CCDC102B: variants seen among roughly 807,000 people sequenced by gnomAD.
CCDC102B encodes the protein coiled-coil domain containing 102B, also known as coiled-coil domain-containing protein 102B.
A neutral mutation model predicts 57.4 loss-of-function variants in CCDC102B; 75 were observed. The ratio of observed to expected loss-of-function variants is 1.31; its 90% CI spans 1.08 to 1.58. The LOEUF (loss-of-function observed/expected upper bound fraction) is 1.58. CCDC102B is among the 40% of genes most tolerant of loss of function. The probability of loss-of-function intolerance (pLI) is 0.00; values close to 1 mark genes in which losing one functional copy is unlikely to be tolerated. For synonymous variants in CCDC102B, 206 were observed against 201.9 expected (o/e 1.02, Z -0.17); for missense variants, 636 against 582.6 (o/e 1.09, Z -0.94).
At chr18:68,963,803 A>ATGTG (rs1555734663) in intron 6 of CCDC102B, among the ~76,000 whole-genome samples, 1 of 151,600 alleles carries the variant, frequency 6.6e-6, no homozygotes, top group African/African-American at 2.4e-5. Flanking sequence ...ATATGTGTAT[A>ATGTG]TATGTATGTA....
intron 4 of CCDC102B, among the ~76,000 whole-genome samples, chr18:68,848,476 A>G (rs2037974850): frequency 6.6e-6 from 1 of 152,020 alleles, no homozygotes; most frequent in African/African-American, 2.4e-5. Flanking sequence ...TAGACCTAGA[A>G]TTGTAAAAAT....
rs1040500405 is a variant in CCDC102B at position 69,054,798 on chromosome 18, A to G, written c.*661A>G. ...AAAAGGACTTTTGACTTTTATCTGG[A>G]TAGACATTTCTACAGTAAAATCATG... is the stretch of plus-strand genomic sequence containing the variant. On this transcript the variant is annotated 3_prime_UTR_variant, in exon 8 of 8. Transcript: ENST00000360242. 2.0e-6 allele frequency: 2 copies of G among 985,232 alleles called. No individual in the cohort carries two copies. Among genetic ancestry groups the G allele is most frequent in the South Asian group, 4.7e-5 (1 of 21,288 alleles). The allele number at this position is 985,232 out of a possible 1,614,324, so 61.0% of individuals were successfully genotyped here.
At chr18:68,808,452 T>C (rs2036112611) in intron 1 of CCDC102B, among the ~76,000 whole-genome samples, 1 of 151,452 alleles carries the variant, frequency 6.6e-6, no homozygotes, top group African/African-American at 2.4e-5. Flanking sequence ...CCATTGTTAT[T>C]TCATTGCTTT....
intron 6 of CCDC102B, among the ~76,000 whole-genome samples, chr18:68,898,492 G>A (rs2040321361): frequency 6.6e-6 from 1 of 152,016 alleles, no homozygotes; most frequent in African/African-American, 2.4e-5. Flanking sequence ...CCATAATAAT[G>A]TATTTGATTC....
chr18:68,860,129 A>T lies in CCDC102B; in HGVS notation c.936+13708A>T, dbSNP rs1446643645. ...ATGGAATACTATGCAGCCATAAAAAATGATGAGCTCATGTCCTTTGTAGGG... is the reference window on the plus strand; with the variant it reads ...ATGGAATACTATGCAGCCATAAAAATTGATGAGCTCATGTCCTTTGTAGGG... On this transcript the variant is annotated intron_variant, in intron 4 of 7. Coordinates refer to ENST00000360242, the MANE Select transcript of CCDC102B (RefSeq NM_024781.3). Among the ~76,000 whole-genome samples the T allele has an allele frequency of 2.9e-5, 2 of 69,128 alleles. 1 individual carries two copies. The highest frequency in any genetic ancestry group is 7.2e-5 in the Non-Finnish European group (2 of 27,800). The allele number at this position is 69,128 out of a possible 152,430, so 45.4% of individuals were successfully genotyped here.
intron 7 of CCDC102B, among the ~76,000 whole-genome samples, chr18:69,014,139 A>T (rs1006700328): frequency 6.6e-6 from 1 of 152,292 alleles, no homozygotes; most frequent in East Asian, 1.9e-4. Context: ...AATTTATTGG[A>T]ATCAAATAGA....
At chr18:68,850,448 A>G (rs2038071458) in intron 4 of CCDC102B, among the ~76,000 whole-genome samples, 1 of 151,966 alleles carries the variant, frequency 6.6e-6, no homozygotes, top group African/African-American at 2.4e-5. Context: ...CTCAAGATAT[A>G]TATTTCCCAA....
Position 68,874,674 on chromosome 18 carries a change from C to A in CCDC102B, c.942C>A (p.Asp314Glu). ...ATTTCAACTTTCTTTTTCAGTTTGA[C>A]ATTCTTCTTGGTCAACATAATGATG... ...ESKPKNVKEF[D>E]ILLGQHNDEM... The change falls in exon 5 of 8, where the codon GAC becomes GAA. Residue 314 changes from aspartate (D) to glutamate (E), a missense_variant. Transcript: ENST00000360242. The A allele has an allele frequency of 6.2e-7, 1 of 1,601,056 alleles. No individual in the cohort carries two copies. The highest frequency in any genetic ancestry group is 8.6e-7 in the Non-Finnish European group (1 of 1,169,086).
chr18:68,802,967 T>G (rs778636196), intron 1 of CCDC102B, among the ~76,000 whole-genome samples: 5 of 152,234 alleles, frequency 3.3e-5, no homozygotes, highest in Non-Finnish European at 5.9e-5. Flanking sequence ...TCTTCATCTT[T>G]TGTATATACA....
chr18:68,745,546 A>G (rs2033584283), intron 2 of CCDC102B, among the ~76,000 whole-genome samples: 1 of 152,108 alleles, frequency 6.6e-6, no homozygotes, highest in Non-Finnish European at 1.5e-5. Context: ...CAGATTAGTG[A>G]GCGTATCTAT....
chr18:69,019,007 T>G (rs1239120554), intron 7 of CCDC102B, among the ~76,000 whole-genome samples: 3 of 152,144 alleles, frequency 2.0e-5, no homozygotes, highest in Non-Finnish European at 2.9e-5. Flanking sequence ...TTGCTCATTG[T>G]ATATTTTTGG....
intron 6 of CCDC102B, among the ~76,000 whole-genome samples, chr18:68,936,746 C>CATATATAT (rs147923317): frequency 9.4e-5 from 14 of 148,912 alleles, no homozygotes; most frequent in East Asian, 6.0e-4. Flanking sequence ...GGACAACTTT[C>CATATATAT]ATATATATAT....
chr18:68,838,044 AT>A (rs1223093969), intron 2 of CCDC102B, among the ~76,000 whole-genome samples: 1 of 152,180 alleles, frequency 6.6e-6, no homozygotes, highest in African/African-American at 2.4e-5. Context: ...TTTATTTGAA[AT>A]TGTCTTTCAT....
chr18:68,810,570 G>A (rs1471322879), intron 1 of CCDC102B, among the ~76,000 whole-genome samples: 3 of 151,634 alleles, frequency 2.0e-5, no homozygotes, highest in African/African-American at 7.3e-5. Flanking sequence ...CCGAATGCTG[G>A]TGACTCTTGG....
At chr18:68,868,335 G>A (rs1794425932) in intron 4 of CCDC102B, among the ~76,000 whole-genome samples, 1 of 151,822 alleles carries the variant, frequency 6.6e-6, no homozygotes, top group African/African-American at 2.4e-5. Flanking sequence ...TTTTTTGTTT[G>A]TTAAAGCTAA....
At chr18:69,001,458 A>C (rs1322197348) in intron 6 of CCDC102B, among the ~76,000 whole-genome samples, 1 of 148,966 alleles carries the variant, frequency 6.7e-6, no homozygotes, top group African/African-American at 2.5e-5. Context: ...GACAATTTAA[A>C]GGGTGAGAAA....
rs978105415 is a variant in CCDC102B, at chr18:68,880,079, G to A, written c.1053+5294G>A. On this transcript the variant is annotated intron_variant, in intron 5 of 7. Transcript: ENST00000360242. ...TCATCGGGGAGGCTTGGGCCCCACG[G>A]GAGCCCATGGAGGGGGTGGAAGGCT... Among the ~76,000 whole-genome samples, 3 of 152,162 alleles carry A rather than the reference G, an allele frequency of 2.0e-5. No individual in the cohort carries two copies. The East Asian group carries it at 5.8e-4, about 30-fold the overall frequency.
At chr18:68,760,892 A>G (rs1333185222) in intron 2 of CCDC102B, among the ~76,000 whole-genome samples, 1 of 152,062 alleles carries the variant, frequency 6.6e-6, no homozygotes, top group Non-Finnish European at 1.5e-5. Flanking sequence ...CCTAACCTAA[A>G]TTTATCTTCA....
At position 69,054,263 on chromosome 18, in the gene CCDC102B, A is replaced by C. The variant is rs2052777662; in HGVS notation, c.*126A>C. ...TTAATGAAAAAAACGTAGACAATAC[A>C]CAAATTAATGGGCTTCTTCACTTCT... On this transcript the variant is annotated 3_prime_UTR_variant, in exon 8 of 8. Transcript: ENST00000360242. 1.5e-6 allele frequency: 2 copies of C among 1,347,754 alleles called. No individual in the cohort carries two copies. Among genetic ancestry groups the C allele is most frequent in the Admixed American group, 3.7e-5 (1 of 26,788 alleles). 83.5% of individuals were successfully genotyped at this position (1,347,754 alleles called of 1,614,324 possible). A position where few individuals can be genotyped will look rare whatever the true frequency, so the allele number is the denominator to read the frequency against.
Sources: gnomAD v4.1 joint callset for allele counts (sites outside exome capture counted in the v4.1 genomes callset) on GRCh38, gnomAD v4.1.1 for gene constraint, MANE v1.5 for transcripts, NCBI Gene and HGNC (gene_info 2026-07-23, HGNC 2026-07-21) for gene names.